The following EXOC6 variants were observed in gnomAD, a reference collection of about 807,000 sequenced individuals.
EXOC6 encodes exocyst complex component 6.
Under a neutral mutation model 112.5 loss-of-function variants are expected in EXOC6, and 60 were observed. The observed-to-expected ratio is 0.53, with a 90% CI of 0.43 to 0.66. The LOEUF is 0.66. EXOC6 is among the 30% of genes least tolerant of loss of function. The pLI, the probability that EXOC6 is intolerant of heterozygous loss-of-function variation, is 0.00. For synonymous variants in EXOC6, 295 were observed against 308.0 expected, an observed-to-expected ratio of 0.96 and a Z score of 0.44; for missense variants, 855 against 957.1, an observed-to-expected ratio of 0.89 and a Z score of 1.41.
At chr10:92,853,211 AAACATTGCTGATATAAATTAAATT>A (rs1285031324) in intron 1 of EXOC6, among the ~76,000 whole-genome samples, 2 of 152,216 alleles carry the variant, frequency 1.3e-5, no homozygotes, top group South Asian at 2.1e-4. Flanking sequence ...GAAAAATACA[AAACATTGCTGATATAAATTAAATT>A]AACATTGCTG....
At chr10:92,994,234 T>C (rs778723137) in intron 18 of EXOC6, among the ~76,000 whole-genome samples, 1 of 152,222 alleles carries the variant, frequency 6.6e-6, no homozygotes, top group African/African-American at 2.4e-5. Flanking sequence ...AAAGCAGCAC[T>C]GTGAAGGTGC....
chr10:92,849,464 C>T (rs931082014), intron 1 of EXOC6, among the ~76,000 whole-genome samples: 13 of 152,092 alleles, frequency 8.5e-5, no homozygotes, highest in Non-Finnish European at 2.9e-5. Flanking sequence ...ATTAGCCAGG[C>T]AACGTAATGA....
chr10:92,948,946 G>GT (rs1269274324), intron 14 of EXOC6, among the ~76,000 whole-genome samples: 1 of 152,128 alleles, frequency 6.6e-6, no homozygotes, highest in African/African-American at 2.4e-5. Flanking sequence ...AAAACACAGG[G>GT]TAGAGAAAGG....
At chr10:92,834,193 T>A (rs1589665314), upstream of EXOC6, among the ~76,000 whole-genome samples, 1 of 152,242 alleles carries the variant, frequency 6.6e-6, no homozygotes, top group South Asian at 2.1e-4. Context: ...CCTAGTGACC[T>A]CAAAATCACA....
intron 17 of EXOC6, among the ~76,000 whole-genome samples, chr10:92,966,989 T>C (rs965683888): frequency 7.0e-6 from 1 of 142,326 alleles, no homozygotes; most frequent in African/African-American, 2.7e-5. Context: ...TTCTAACTGG[T>C]GTGAGATGGT....
At chr10:92,946,076 G>A (rs1486024319) in intron 13 of EXOC6, among the ~76,000 whole-genome samples, 1 of 151,722 alleles carries the variant, frequency 6.6e-6, no homozygotes, top group Non-Finnish European at 1.5e-5. Context: ...GGATCACCAG[G>A]TCAGGAGATT....
At chr10:93,007,781 C>G (rs1844063393) in intron 19 of EXOC6, among the ~76,000 whole-genome samples, 1 of 152,260 alleles carries the variant, frequency 6.6e-6, no homozygotes, top group Admixed American at 6.5e-5. Flanking sequence ...AACTAGTCTT[C>G]TTCCAAGTTA....
At chr10:92,990,655 C>G (rs1843192005) in intron 18 of EXOC6, among the ~76,000 whole-genome samples, 1 of 152,088 alleles carries the variant, frequency 6.6e-6, no homozygotes, top group South Asian at 2.1e-4. Flanking sequence ...GGTACATGTG[C>G]AGGATGTGCA....
chr10:92,853,964 T>C (rs1847471361), intron 1 of EXOC6, among the ~76,000 whole-genome samples: 1 of 146,064 alleles, frequency 6.8e-6, no homozygotes, highest in Non-Finnish European at 1.5e-5. Context: ...GCCGTGATCA[T>C]GCCTCTGCAC....
At chr10:92,911,929 CTCTGTGTGCGTGTGTGTG>C (rs1288113673) in intron 6 of EXOC6, among the ~76,000 whole-genome samples, 1 of 71,910 alleles carries the variant, frequency 1.4e-5, no homozygotes, top group African/African-American at 4.5e-5. Flanking sequence ...CTCTCTCTCT[CTCTGTGTGCGTGTGTGTG>C]TGTGTGTGTG....
At chr10:93,054,944 T>C (rs1242420544) in intron 20 of EXOC6, among the ~76,000 whole-genome samples, 1 of 111,758 alleles carries the variant, frequency 8.9e-6, no homozygotes, top group Non-Finnish European at 2.3e-5. Flanking sequence ...TTGTAGAGTA[T>C]TACAAAAATA....
chr10:92,894,942 A>T lies in EXOC6; in HGVS notation c.334A>T (p.Thr112Ser), dbSNP rs771410562. Reference protein sequence around the residue: ...QDAGKEVIVHTEDIIRCRIQQ... With the variant: ...QDAGKEVIVHSEDIIRCRIQQ... ...CTTCTTTTCTAAGGTGATAGTCCAC[A>T]CAGAAGATATCATTCGATGTAGAAT... The change falls in exon 4 of 22, where the codon ACA (threonine) becomes TCA (serine). Residue 112 changes from threonine (T) to serine (S), a missense_variant. Thr to Ser is a moderately conservative substitution (Grantham distance 58). Coordinates refer to ENST00000260762, the MANE Select transcript of EXOC6 (RefSeq NM_019053.6). The T allele has an allele frequency of 6.2e-7, 1 of 1,611,932 alleles. No individual in the cohort carries two copies. The highest frequency in any genetic ancestry group is 1.1e-5 in the South Asian group (1 of 91,004).
intron 1 of EXOC6, among the ~76,000 whole-genome samples, chr10:92,867,734 A>C (rs1395783862): frequency 6.6e-6 from 1 of 152,224 alleles, no homozygotes; most frequent in Non-Finnish European, 1.5e-5. Flanking sequence ...GCAATGGCAA[A>C]AAACAATATA....
chr10:93,005,822 A>G (rs2134206407), intron 19 of EXOC6, among the ~76,000 whole-genome samples: 1 of 152,334 alleles, frequency 6.6e-6, no homozygotes, highest in Non-Finnish European at 1.5e-5. Flanking sequence ...GAGAGTAGAT[A>G]AGTTTCTTAA....
chr10:92,931,028 C>G (rs1446218932), intron 9 of EXOC6, among the ~76,000 whole-genome samples: 1 of 146,094 alleles, frequency 6.8e-6, no homozygotes, highest in African/African-American at 2.5e-5. Context: ...AGGAGAATCG[C>G]TTGAACCTGG....
chr10:92,931,902 C>G (rs1449732701), intron 9 of EXOC6, among the ~76,000 whole-genome samples: 1 of 152,074 alleles, frequency 6.6e-6, no homozygotes, highest in Non-Finnish European at 1.5e-5. Flanking sequence ...GTTGAGCAAA[C>G]TCTTCTATGA....
At chr10:93,055,874 C>A (rs932574486) in intron 20 of EXOC6, among the ~76,000 whole-genome samples, 2 of 152,142 alleles carry the variant, frequency 1.3e-5, no homozygotes, top group Admixed American at 1.3e-4. Flanking sequence ...TCAAGAAAAG[C>A]TAGTTTCTGG....
At chr10:92,978,125 G>C (rs1276989532) in intron 18 of EXOC6, among the ~76,000 whole-genome samples, 13 of 152,124 alleles carry the variant, frequency 8.5e-5, no homozygotes, top group Admixed American at 8.5e-4. Flanking sequence ...AAAAAGAAAA[G>C]TGGGCTGGGT....
intron 13 of EXOC6, among the ~76,000 whole-genome samples, chr10:92,945,219 A>G (rs1221070238): frequency 6.6e-6 from 1 of 151,962 alleles, no homozygotes; most frequent in Non-Finnish European, 1.5e-5. Flanking sequence ...TAATTCAGTT[A>G]TTTGTTTTCT....
Sources: allele counts gnomAD v4.1 joint callset (sites outside exome capture counted in the v4.1 genomes callset), GRCh38; gene constraint gnomAD v4.1.1; transcripts MANE v1.5; gene names NCBI Gene and HGNC (gene_info 2026-07-23, HGNC 2026-07-21).